Variants in SECISBP2L observed in about 807,000 individuals in gnomAD.
SECISBP2L encodes the protein selenocysteine insertion sequence-binding protein 2-like.
Under a neutral mutation model 114.7 loss-of-function variants are expected in SECISBP2L, and 43 were observed. That is an observed-to-expected ratio of 0.38 (90% CI 0.29 to 0.48). The LOEUF is 0.48. SECISBP2L is among the 20% of genes least tolerant of loss of function. SECISBP2L has a pLI of 0.98. For synonymous variants in SECISBP2L, 451 were observed against 439.7 expected (o/e 1.03, Z -0.32); for missense variants, 1,136 against 1,301.1 (o/e 0.87, Z 1.95).
At chr15:49,043,902 T>C (rs1040982426) in intron 1 of SECISBP2L, among the ~76,000 whole-genome samples, 6 of 151,680 alleles carry the variant, frequency 4.0e-5, no homozygotes, top group Admixed American at 6.6e-5. Flanking sequence ...AAAGATTTTA[T>C]ATATTAAAAA....
chr15:49,001,124 C>A, intron 14 of SECISBP2L, 27 bp from the exon 15 acceptor site: 1 of 1,488,118 alleles, frequency 6.7e-7, no homozygotes, highest in South Asian at 1.2e-5. Context: ...AAATGGGTAA[C>A]TCCATCCTAA....
rs559963225 is a variant in SECISBP2L at position 49,018,326 on chromosome 15, G to A, written c.1171-698C>T. Among the ~76,000 whole-genome samples, 7 of 149,192 alleles carry A rather than the reference G, an allele frequency of 4.7e-5. No individual in the cohort carries two copies. In the South Asian group the frequency reaches 1.1e-3, roughly 23 times the overall value. On this transcript the variant is annotated intron_variant, in intron 8 of 17. Coordinates refer to ENST00000559471, the MANE Select transcript of SECISBP2L (RefSeq NM_001193489.2). Reference sequence around the variant, plus strand: ...GGATAGAGTGCAATGGCACAATCTCGGCTCACTGCAACCTCCACCTCCTGG... The same window carrying A: ...GGATAGAGTGCAATGGCACAATCTCAGCTCACTGCAACCTCCACCTCCTGG...
In SECISBP2L at chr15:49,033,097, G is replaced by C. The variant is rs1161286585; in HGVS notation, c.532C>G (p.Gln178Glu). 3 of 1,604,698 alleles carry C rather than the reference G, an allele frequency of 1.9e-6. No homozygotes were observed. The highest frequency in any genetic ancestry group is 2.7e-5 in the African/African-American group (2 of 73,832). The change falls in exon 4 of 18, where the codon CAG becomes GAG. Residue 178 changes from glutamine (Q) to glutamate (E), a missense_variant. By Grantham distance (29) the Gln-to-Glu change is conservative. Around this residue, in one of 2 missense-constraint regions of SECISBP2L, gnomAD observed 452 missense variants for 452.3 expected, o/e 1.00. Coordinates refer to ENST00000559471, the MANE Select transcript of SECISBP2L (RefSeq NM_001193489.2). Reference sequence around the variant, plus strand: ...CTTTTTATGTGCTGTTGTAAAAGCTGTTGCTGATTTAAAAAAAAAACAAAA... The same window carrying C: ...CTTTTTATGTGCTGTTGTAAAAGCTCTTGCTGATTTAAAAAAAAAACAAAA... ...SNRGSVVPKQQLLQQHIKSKR... is the reference protein window; with the variant it reads ...SNRGSVVPKQELLQQHIKSKR...
Position 48,988,756 on chromosome 15 carries a change from G to C in SECISBP2L, c.*3488C>G. The C allele has an allele frequency of 3.4e-6, 1 of 298,144 alleles. No homozygotes were observed. 18.5% of individuals were successfully genotyped at this position (298,144 alleles called of 1,614,324 possible). On this transcript the variant is annotated 3_prime_UTR_variant, in exon 18 of 18. Coordinates refer to ENST00000559471, the MANE Select transcript of SECISBP2L (RefSeq NM_001193489.2). Reference sequence around the variant, plus strand: ...AACAATTATCCTTCATACAGCAAAAGATGAAAATCCCTTCATGTTATAACT... The same window carrying C: ...AACAATTATCCTTCATACAGCAAAACATGAAAATCCCTTCATGTTATAACT...
chr15:49,014,967 G>A (rs1226592863), intron 11 of SECISBP2L, among the ~76,000 whole-genome samples: 1 of 151,532 alleles, frequency 6.6e-6, no homozygotes, highest in Non-Finnish European at 1.5e-5. Flanking sequence ...GTAACAATAA[G>A]CCATCTGAAG....
At chr15:49,040,626 C>T (rs940522201) in intron 1 of SECISBP2L, among the ~76,000 whole-genome samples, 1 of 148,492 alleles carries the variant, frequency 6.7e-6, no homozygotes, top group African/African-American at 2.5e-5. Context: ...AGCTCCGCCT[C>T]CAGGGTTCAC....
chr15:49,046,178 C>T, intron 1 of SECISBP2L, 98 bp downstream of exon 1: 4 of 1,408,762 alleles, frequency 2.8e-6, no homozygotes, highest in Middle Eastern at 4.9e-4. Flanking sequence ...GGCCGCAGGA[C>T]CGGCCCCCGG....
rs756139453 is a variant in SECISBP2L, at chr15:49,016,744, G to A, written c.1420-43C>T. 1.8e-5 allele frequency: 28 copies of A among 1,519,082 alleles called. No homozygotes were observed. The South Asian group carries it at 2.6e-4, about 14-fold the overall frequency. 94.1% of individuals were successfully genotyped at this position (1,519,082 alleles called of 1,614,324 possible). ...AAAATTAATTTTTTTGTTATAGTAC[G>A]AAACTGTGGCATTTTAAGATGACTA... On this transcript the variant is annotated intron_variant, in intron 10 of 17. Transcript: ENST00000559471.
intron 1 of SECISBP2L, 127 bp from the exon 2 acceptor site, chr15:49,037,896 CATCCAAAAGG>C (rs1458856993): frequency 1.7e-6 from 1 of 603,628 alleles, no homozygotes; most frequent in East Asian, 3.1e-5. Flanking sequence ...ATTCATAAAA[CATCCAAAAGG>C]AAGAGCAATG....
intron 13 of SECISBP2L, 31 bp from the exon 14 acceptor site, chr15:49,009,409 T>G (rs1419942546): frequency 6.3e-7 from 1 of 1,592,078 alleles, no homozygotes; most frequent in Admixed American, 1.8e-5. Context: ...GGGAAAAAAT[T>G]TAGAAACTTC....
intron 13 of SECISBP2L, among the ~76,000 whole-genome samples, chr15:49,010,060 A>C (rs1024867247): frequency 1.3e-5 from 2 of 150,188 alleles, no homozygotes; most frequent in Non-Finnish European, 3.0e-5. Context: ...TTGAACCCGG[A>C]GGTGGAGGTT....
intron 7 of SECISBP2L, among the ~76,000 whole-genome samples, chr15:49,022,237 C>T (rs148049088): frequency 1.3e-5 from 2 of 152,168 alleles, no homozygotes; most frequent in Non-Finnish European, 2.9e-5. Context: ...CCCACCTCAG[C>T]CTCCCAAGTA....
chr15:49,000,167 TC>T (rs534398228), intron 15 of SECISBP2L, among the ~76,000 whole-genome samples, 180 bp from the exon 16 acceptor site: 1 of 152,336 alleles, frequency 6.6e-6, no homozygotes, highest in East Asian at 1.9e-4. Flanking sequence ...ATATGTATTT[TC>T]TTTCTCCCCT....
chr15:49,011,671 G>GT (rs1360536941), intron 13 of SECISBP2L, 60 bp downstream of exon 13: 2 of 1,577,384 alleles, frequency 1.3e-6, no homozygotes, highest in South Asian at 1.1e-5. Context: ...GATAGCTTAC[G>GT]TATCTATTAA....
chr15:49,038,081 T>C (rs1238068467), intron 1 of SECISBP2L, among the ~76,000 whole-genome samples: 1 of 152,170 alleles, frequency 6.6e-6, no homozygotes, highest in African/African-American at 2.4e-5. Flanking sequence ...TAGTAAGAGA[T>C]GTAGCTCTTC....
chr15:49,017,055 TAA>T, intron 9 of SECISBP2L, 40 bp from the exon 10 acceptor site: 1 of 1,592,026 alleles, frequency 6.3e-7, no homozygotes, highest in Non-Finnish European at 8.6e-7. Context: ...AGTGATCCCA[TAA>T]AAGTCAATCA....
In SECISBP2L at chr15:48,996,513, T is replaced by C. The variant is rs200063170; in HGVS notation, c.2477A>G (p.Glu826Gly). ...TAAGGCTTCCTCAGCCTGCTCCTGT[T>C]CCATTGCTGCAACCATATCTTTATA... ...KAYKDMVAAM[E>G]QEQAEEALKN... The change falls in exon 17 of 18, where the codon GAA becomes GGA. Residue 826 changes from glutamate (E) to glycine (G), a missense_variant. Physicochemically the swap from Glu to Gly is moderately conservative, Grantham distance 98. Coordinates refer to ENST00000559471, the MANE Select transcript of SECISBP2L (RefSeq NM_001193489.2). The C allele has an allele frequency of 6.2e-7, 1 of 1,614,148 alleles. No homozygotes were observed. The highest frequency in any genetic ancestry group is 1.3e-5 in the African/African-American group (1 of 75,056).
At chr15:49,043,952 C>G (rs889283573) in intron 1 of SECISBP2L, among the ~76,000 whole-genome samples, 2 of 143,910 alleles carry the variant, frequency 1.4e-5, no homozygotes, top group African/African-American at 2.6e-5. Context: ...TGCCTTCAGG[C>G]AAAAAAAAAG....
At chr15:49,010,124 GACAC>G (rs61663836) in intron 13 of SECISBP2L, among the ~76,000 whole-genome samples, 28 of 138,824 alleles carry the variant, frequency 2.0e-4, no homozygotes, top group African/African-American at 4.9e-4. Flanking sequence ...AACAGAGGCA[GACAC>G]ACACACACAC....
Sources: allele counts gnomAD v4.1 joint callset (sites outside exome capture counted in the v4.1 genomes callset), GRCh38; gene constraint gnomAD v4.1.1; regional missense constraint gnomAD v4.1.1; transcripts MANE v1.5; gene names NCBI Gene and HGNC (gene_info 2026-07-23, HGNC 2026-07-21).